Variants in CCBE1 observed in about 807,000 individuals in gnomAD.
CCBE1 encodes the protein collagen and calcium-binding EGF domain-containing protein 1.
Under a neutral mutation model 50.0 loss-of-function variants are expected in CCBE1, and 37 were observed. That is an observed-to-expected ratio of 0.74 (90% CI 0.57 to 0.97). CCBE1 has a LOEUF of 0.97. CCBE1 is among the 50% of genes least tolerant of loss of function. The probability of loss-of-function intolerance (pLI) is 0.00; values close to 1 mark genes in which losing one functional copy is unlikely to be tolerated. For missense variants in CCBE1, 538 were observed against 523.8 expected, an observed-to-expected ratio of 1.03 and a Z score of -0.26; for synonymous variants, 234 against 203.7, an observed-to-expected ratio of 1.15 and a Z score of -1.27.
At chr18:59,577,588 C>A (rs1236543767) in intron 2 of CCBE1, among the ~76,000 whole-genome samples, 1 of 152,128 alleles carries the variant, frequency 6.6e-6, no homozygotes, top group Non-Finnish European at 1.5e-5. Flanking sequence ...AGAATCAATT[C>A]CATATGTATC....
intron 2 of CCBE1, among the ~76,000 whole-genome samples, chr18:59,634,111 G>A (rs890267914): frequency 4.6e-5 from 7 of 152,206 alleles, no homozygotes; most frequent in Non-Finnish European, 1.5e-5. Flanking sequence ...TGGAATAAAT[G>A]TGACAAGCTA....
At chr18:59,664,939 A>G (rs1366098475) in intron 2 of CCBE1, among the ~76,000 whole-genome samples, 1 of 152,202 alleles carries the variant, frequency 6.6e-6, no homozygotes, top group Admixed American at 6.5e-5. Context: ...AGACTGATCA[A>G]CAGGCAGAGG....
intron 3 of CCBE1, among the ~76,000 whole-genome samples, chr18:59,477,538 C>CTCTGTGTG (rs1021000494): frequency 4.0e-5 from 6 of 149,996 alleles, no homozygotes; most frequent in African/African-American, 1.5e-4. Context: ...TTCCATGTCT[C>CTCTGTGTG]TGTGTGTGTG....
intron 2 of CCBE1, among the ~76,000 whole-genome samples, chr18:59,501,488 G>A (rs1173075026): frequency 6.6e-6 from 1 of 152,124 alleles, no homozygotes; most frequent in Non-Finnish European, 1.5e-5. Flanking sequence ...TGTGTGGAAG[G>A]GAACGTCTTC....
chr18:59,505,329 C>T (rs755722244), intron 2 of CCBE1, among the ~76,000 whole-genome samples: 4 of 152,182 alleles, frequency 2.6e-5, no homozygotes, highest in African/African-American at 4.8e-5. Flanking sequence ...GGACGCCATC[C>T]TTGAGCCTGA....
chr18:59,660,230 C>T (rs1255968075), intron 2 of CCBE1, among the ~76,000 whole-genome samples: 1 of 152,140 alleles, frequency 6.6e-6, no homozygotes, highest in East Asian at 1.9e-4. Context: ...GTAGCTACAG[C>T]CCTATCTGGA....
At chr18:59,645,229 A>T (rs1599095931) in intron 2 of CCBE1, among the ~76,000 whole-genome samples, 1 of 79,320 alleles carries the variant, frequency 1.3e-5, no homozygotes, top group Non-Finnish European at 2.8e-5. Context: ...CTCCGTCTCA[A>T]CAACAACAAC....
At chr18:59,622,571 G>A (rs1018526521) in intron 2 of CCBE1, among the ~76,000 whole-genome samples, 2 of 151,612 alleles carry the variant, frequency 1.3e-5, no homozygotes, top group African/African-American at 4.9e-5. Flanking sequence ...GGGAGGCTGA[G>A]GCAGGTAGAT....
intron 2 of CCBE1, among the ~76,000 whole-genome samples, chr18:59,499,080 T>A (rs1378497886): frequency 6.6e-6 from 1 of 152,208 alleles, no homozygotes; most frequent in African/African-American, 2.4e-5. Context: ...TCATACATCC[T>A]AAGCACTGCT....
At chr18:59,436,819 A>G (rs1484750931) in intron 10 of CCBE1, among the ~76,000 whole-genome samples, 1 of 151,898 alleles carries the variant, frequency 6.6e-6, no homozygotes, top group East Asian at 1.9e-4. Flanking sequence ...AATTTAACAA[A>G]AATTTAGCCA....
At chr18:59,597,656 T>C (rs2053373384) in intron 2 of CCBE1, among the ~76,000 whole-genome samples, 1 of 152,192 alleles carries the variant, frequency 6.6e-6, no homozygotes, top group African/African-American at 2.4e-5. Context: ...AGGTCTGGTA[T>C]CGGTCATGGC....
intron 2 of CCBE1, among the ~76,000 whole-genome samples, chr18:59,499,566 G>A (rs1251071723): frequency 6.6e-6 from 1 of 152,196 alleles, no homozygotes; most frequent in Non-Finnish European, 1.5e-5. Flanking sequence ...GAGAGCTTGT[G>A]TAGGGAAACT....
intron 2 of CCBE1, among the ~76,000 whole-genome samples, chr18:59,507,619 T>C (rs1356138753): frequency 6.6e-6 from 1 of 152,240 alleles, no homozygotes; most frequent in Non-Finnish European, 1.5e-5. Flanking sequence ...TTTCCTTTGC[T>C]GTCCCCATCC....
intron 2 of CCBE1, among the ~76,000 whole-genome samples, chr18:59,640,716 A>G (rs763785556): frequency 3.9e-5 from 6 of 152,212 alleles, no homozygotes; most frequent in Non-Finnish European, 7.3e-5. Flanking sequence ...ACAACATGGG[A>G]GAAAATATCT....
At chr18:59,697,532 G>C, upstream of CCBE1, 1 of 745,376 alleles carries the variant, frequency 1.3e-6, no homozygotes. Flanking sequence ...CTAGGAGTTG[G>C]GGTATCGGAT....
intron 2 of CCBE1, among the ~76,000 whole-genome samples, chr18:59,498,290 A>C (rs1913452170): frequency 1.3e-5 from 2 of 152,210 alleles, no homozygotes; most frequent in South Asian, 2.1e-4. Context: ...AAATTGATAA[A>C]ATTTGATACA....
chr18:59,479,270 G>A (rs1912456234), intron 3 of CCBE1, among the ~76,000 whole-genome samples: 1 of 152,112 alleles, frequency 6.6e-6, no homozygotes, highest in South Asian at 2.1e-4. Flanking sequence ...GGAACCCTCT[G>A]TAGCCCTCTA....
At chr18:59,442,701 C>T (rs548164374) in intron 7 of CCBE1, among the ~76,000 whole-genome samples, 1 of 152,174 alleles carries the variant, frequency 6.6e-6, no homozygotes, top group Non-Finnish European at 1.5e-5. Context: ...GCTTTCCAGC[C>T]TAGGCAACAG....
rs964552493 is a variant in CCBE1, at chr18:59,435,796, A to T, written c.*112T>A. ...GAGTGGAGAGACGTCAGGAGAAGAG[A>T]AGAGAAAAATGTATGTTTTCTAGGT... On this transcript the variant is annotated 3_prime_UTR_variant, in exon 11 of 11. Transcript: ENST00000439986. 30 of 958,906 alleles carry T rather than the reference A, an allele frequency of 3.1e-5. No homozygotes were observed. Among genetic ancestry groups the T allele is most frequent in the Middle Eastern group, 2.7e-4 (1 of 3,704 alleles). The allele number at this position is 958,906 out of a possible 1,614,324, so 59.4% of individuals were successfully genotyped here. A position where few individuals can be genotyped will look rare whatever the true frequency, so the allele number is the denominator to read the frequency against.
Sources: gnomAD v4.1 joint callset for allele counts (sites outside exome capture counted in the v4.1 genomes callset) on GRCh38, gnomAD v4.1.1 for gene constraint, MANE v1.5 for transcripts, NCBI Gene and HGNC (gene_info 2026-07-23, HGNC 2026-07-21) for gene names.